The following TBC1D2B variants were observed in gnomAD, a reference collection of about 807,000 sequenced individuals.
TBC1D2B encodes the protein TBC1 domain family, member 2B.
Under a neutral mutation model 100.8 loss-of-function variants are expected in TBC1D2B, and 64 were observed. The observed-to-expected ratio is 0.64, with a 90% CI of 0.52 to 0.78. TBC1D2B has a LOEUF of 0.78. Among genes scored for constraint, TBC1D2B ranks in the 30% least tolerant of loss-of-function variants. The pLI is 0.00. For synonymous variants in TBC1D2B, 480 were observed against 479.7 expected, an observed-to-expected ratio of 1.00 and a Z score of -0.01; for missense variants, 1,052 against 1,218.4, an observed-to-expected ratio of 0.86 and a Z score of 2.03.
chr15:78,031,576 G>A (rs9920567), intron 3 of TBC1D2B, among the ~76,000 whole-genome samples: 5,216 of 47,472 alleles, frequency 0.11, 269 homozygotes, highest in African/African-American at 0.2. Flanking sequence ...AAAAAAAAAA[G>A]AGAGAGAGAG....
intron 10 of TBC1D2B, among the ~76,000 whole-genome samples, chr15:78,007,916 T>C (rs1163570303): frequency 6.6e-6 from 1 of 152,220 alleles, no homozygotes; most frequent in Non-Finnish European, 1.5e-5. Context: ...TTCAGTCTCC[T>C]GCCAGCACCT....
At chr15:78,016,944 T>C (rs1179466790) in intron 7 of TBC1D2B, 1 of 503,684 alleles carries the variant, frequency 2.0e-6, no homozygotes, top group South Asian at 2.7e-5. Flanking sequence ...CTCTTCCTTA[T>C]AGAAGGAGTG....
At chr15:78,031,554 CAAAAAAA>C (rs1225713046) in intron 3 of TBC1D2B, among the ~76,000 whole-genome samples, 8 of 54,908 alleles carry the variant, frequency 1.5e-4, no homozygotes, top group South Asian at 1.6e-3. Flanking sequence ...ACTCTGTCTC[CAAAAAAA>C]AAAAAAAAAA....
chr15:78,040,828 A>AAGG (rs2073066211), intron 3 of TBC1D2B, among the ~76,000 whole-genome samples: 1 of 92,412 alleles, frequency 1.1e-5, no homozygotes, highest in South Asian at 3.3e-4. Context: ...AGAAAGAAGG[A>AAGG]AAGAAAGAAA....
At chr15:78,077,222 G>A (rs1239476334) in intron 1 of TBC1D2B, 71 bp downstream of exon 1, 3 of 1,399,478 alleles carry the variant, frequency 2.1e-6, no homozygotes, top group Non-Finnish European at 2.8e-6. Context: ...AGGGTGGATG[G>A]CGCAAGCCAG....
At chr15:78,041,192 C>G (rs551642527) in intron 3 of TBC1D2B, among the ~76,000 whole-genome samples, 268 of 152,326 alleles carry the variant, frequency 1.8e-3, no homozygotes, top group Middle Eastern at 3.4e-3. Flanking sequence ...CAAATTTTCC[C>G]TAAGCATTCA....
chr15:78,046,143 G>C (rs1012881102), intron 2 of TBC1D2B, among the ~76,000 whole-genome samples: 2 of 152,132 alleles, frequency 1.3e-5, no homozygotes, highest in Non-Finnish European at 2.9e-5. Context: ...TGTTGGCCAG[G>C]CTGGTCGCGA....
intron 9 of TBC1D2B, among the ~76,000 whole-genome samples, chr15:78,009,555 G>A (rs2072164351): frequency 6.6e-6 from 1 of 151,478 alleles, no homozygotes; most frequent in South Asian, 2.1e-4. Flanking sequence ...AAAAAAAAAA[G>A]GAGGGGGTGC....
chr15:78,004,051 T>C (rs560963703), intron 10 of TBC1D2B, among the ~76,000 whole-genome samples: 8 of 152,308 alleles, frequency 5.3e-5, no homozygotes, highest in African/African-American at 1.9e-4. Context: ...TAGCAAATTA[T>C]GCTCTAAACG....
intron 6 of TBC1D2B, among the ~76,000 whole-genome samples, chr15:78,022,917 G>A (rs1348765900): frequency 6.6e-6 from 1 of 151,872 alleles, no homozygotes; most frequent in Non-Finnish European, 1.5e-5. Context: ...TTGTTGTTTT[G>A]GATTTTCTCA....
At position 78,024,441 on chromosome 15, in the gene TBC1D2B, G is replaced by T. The variant is rs533368837; in HGVS notation, c.1185C>A (p.Leu395=). Reference sequence around the variant, plus strand: ...GATCATCCTTTTGGTGCAGAAGCTCGAGCGTGTCCTTTGGGACCCCCTCAC... The same window carrying T: ...GATCATCCTTTTGGTGCAGAAGCTCTAGCGTGTCCTTTGGGACCCCCTCAC... ...RLCEGVPKDT[L]ELLHQKDDQI... is the part of the protein sequence containing the mutation. The change falls in exon 6 of 13, where the codon CTC becomes CTA. Residue 395 remains leucine (L), a synonymous_variant. Transcript: ENST00000300584. The T allele has an allele frequency of 4.3e-6, 7 of 1,613,904 alleles. No individual in the cohort carries two copies. Among genetic ancestry groups the T allele is most frequent in the Non-Finnish European group, 5.9e-6 (7 of 1,179,910 alleles).
At chr15:78,062,672 A>C (rs1257171546) in intron 1 of TBC1D2B, among the ~76,000 whole-genome samples, 1 of 152,170 alleles carries the variant, frequency 6.6e-6, no homozygotes, top group Non-Finnish European at 1.5e-5. Flanking sequence ...TTTTCTACCA[A>C]TTTTCTAGCC....
chr15:78,034,991 GT>G (rs35554962), intron 3 of TBC1D2B, among the ~76,000 whole-genome samples: 10,300 of 152,102 alleles, frequency 0.068, 436 homozygotes, highest in East Asian at 0.24. Flanking sequence ...AAATGGAGGC[GT>G]TTTTTTAGCT....
At chr15:78,034,914 C>A (rs1219974759) in intron 3 of TBC1D2B, among the ~76,000 whole-genome samples, 1 of 152,188 alleles carries the variant, frequency 6.6e-6, no homozygotes, top group East Asian at 1.9e-4. Context: ...CTGCTCTGGC[C>A]CACAGAGGCC....
rs2072769640 is a variant in TBC1D2B, at chr15:78,030,034, T to A, written c.820A>T (p.Lys274Ter). The change falls in exon 4 of 13, where the codon AAG becomes TAG. Residue 274 changes from lysine (K) to a stop codon, truncating the protein, a stop_gained. Coordinates refer to ENST00000300584, the MANE Select transcript of TBC1D2B (RefSeq NM_144572.2). LOFTEE classifies it high-confidence loss of function. ...TTGTTTCCTTCAGGGGTCAGCTTCT[T>A]CTTTTCTTCCTGTACTATGGACTCC... ...LEESIVQEEK[K>*]KLTPEGNKGV... The A allele has an allele frequency of 6.2e-7, 1 of 1,608,964 alleles. No homozygotes were observed. Among genetic ancestry groups the A allele is most frequent in the Non-Finnish European group, 8.5e-7 (1 of 1,178,526 alleles).
intron 1 of TBC1D2B, among the ~76,000 whole-genome samples, chr15:78,076,452 T>C (rs2073830323): frequency 6.6e-6 from 1 of 152,218 alleles, no homozygotes; most frequent in African/African-American, 2.4e-5. Flanking sequence ...TGACTCTTTC[T>C]GTCTACAGTG....
At chr15:78,049,684 G>A (rs1479384664) in intron 2 of TBC1D2B, among the ~76,000 whole-genome samples, 2 of 151,926 alleles carry the variant, frequency 1.3e-5, no homozygotes, top group African/African-American at 4.8e-5. Context: ...TCTAGGCTGA[G>A]GATGTCTCTG....
chr15:78,023,016 C>T (rs1258703561), intron 6 of TBC1D2B, among the ~76,000 whole-genome samples: 1 of 152,172 alleles, frequency 6.6e-6, no homozygotes, highest in Non-Finnish European at 1.5e-5. Context: ...TCCAGCCATG[C>T]TGCCATGATT....
chr15:78,073,417 TG>T (rs2073770840), intron 1 of TBC1D2B, among the ~76,000 whole-genome samples: 2 of 152,158 alleles, frequency 1.3e-5, no homozygotes, highest in African/African-American at 2.4e-5. Context: ...TAACCCTCTG[TG>T]ATAAGAAATG....
Sources: gnomAD v4.1 joint callset for allele counts (sites outside exome capture counted in the v4.1 genomes callset) on GRCh38, gnomAD v4.1.1 for gene constraint, MANE v1.5 for transcripts, NCBI Gene and HGNC (gene_info 2026-07-23, HGNC 2026-07-21) for gene names.